The following MYO5B variants were observed in gnomAD, a reference collection of about 807,000 sequenced individuals.
MYO5B encodes the protein unconventional myosin-Vb.
MYO5B carries 143 observed loss-of-function variants against 229.3 expected under a neutral mutation model. The observed-to-expected ratio is 0.62, with a 90% CI of 0.54 to 0.72. The LOEUF (loss-of-function observed/expected upper bound fraction) is 0.72, where lower values mean the gene tolerates loss of function less well. Among genes scored for constraint, MYO5B ranks in the 30% least tolerant of loss-of-function variants. MYO5B has a pLI of 0.00. For synonymous variants in MYO5B, 918 were observed against 885.2 expected (o/e 1.04, Z -0.66); for missense variants, 2,321 against 2,331.0 (o/e 1.00, Z 0.09).
chr18:50,076,578 G>C (rs1204248321), intron 1 of MYO5B, among the ~76,000 whole-genome samples: 4 of 152,134 alleles, frequency 2.6e-5, no homozygotes, highest in Non-Finnish European at 4.4e-5. Flanking sequence ...ATAGCCTTGG[G>C]CTTGTCAAAT....
At chr18:49,909,168 G>A (rs1356814717) in intron 18 of MYO5B, among the ~76,000 whole-genome samples, 1 of 152,216 alleles carries the variant, frequency 6.6e-6, no homozygotes, top group East Asian at 1.9e-4. Flanking sequence ...TCAAGTCTTA[G>A]TTTCTCGATA....
chr18:49,918,864 G>A (rs1218419855), intron 17 of MYO5B, among the ~76,000 whole-genome samples: 2 of 152,228 alleles, frequency 1.3e-5, no homozygotes, highest in Non-Finnish European at 2.9e-5. Flanking sequence ...TCCCTTGGAA[G>A]TGTACTAGGG....
Position 49,823,684 on chromosome 18 carries a change from G to A in MYO5B, c.*2787C>T, listed in dbSNP as rs995421688. 11 of 152,166 alleles carry A rather than the reference G, an allele frequency of 7.2e-5. No homozygotes were observed. The highest frequency in any genetic ancestry group is 2.4e-4 in the African/African-American group (10 of 41,446). The allele number at this position is 152,166 out of a possible 1,614,324, so 9.4% of individuals were successfully genotyped here. On this transcript the variant is annotated 3_prime_UTR_variant, in exon 40 of 40. Coordinates refer to ENST00000285039, the MANE Select transcript of MYO5B (RefSeq NM_001080467.3). ...AAAGGGGAAAAACATCTACCTTTGG[G>A]TCTAATCTGCCTCCCAGGTGAGCCT...
At chr18:50,012,918 A>C (rs1309699435) in intron 4 of MYO5B, among the ~76,000 whole-genome samples, 1 of 152,266 alleles carries the variant, frequency 6.6e-6, no homozygotes, top group African/African-American at 2.4e-5. Flanking sequence ...TCTGCTTCAG[A>C]CTGAAGGCAT....
chr18:50,037,217 A>T (rs1196258340), intron 3 of MYO5B, among the ~76,000 whole-genome samples: 41 of 141,874 alleles, frequency 2.9e-4, no homozygotes, highest in Admixed American at 2.9e-3. Context: ...ACACACACAA[A>T]CACACACACA....
intron 1 of MYO5B, among the ~76,000 whole-genome samples, chr18:50,153,544 GGGTTCAAGC>G (rs1382963703): frequency 3.3e-5 from 5 of 152,116 alleles, no homozygotes; most frequent in Non-Finnish European, 7.3e-5. Context: ...TCCGCCTCCC[GGGTTCAAGC>G]GATTCTCCTG....
intron 1 of MYO5B, among the ~76,000 whole-genome samples, chr18:50,125,710 T>C (rs180728706): frequency 6.6e-6 from 1 of 152,298 alleles, no homozygotes; most frequent in East Asian, 1.9e-4. Flanking sequence ...GATAGCTGTA[T>C]ACCAAGTTCA....
At chr18:49,992,180 C>T in intron 6 of MYO5B, 108 bp downstream of exon 6, 1 of 1,458,170 alleles carries the variant, frequency 6.9e-7, no homozygotes, top group African/African-American at 1.4e-5. Context: ...CATTCAATTC[C>T]AGGCTCACAA....
At chr18:50,183,337 ATC>A (rs1491206391) in intron 1 of MYO5B, among the ~76,000 whole-genome samples, 35 of 139,838 alleles carry the variant, frequency 2.5e-4, no homozygotes, top group African/African-American at 4.7e-4. Context: ...ATATATATAT[ATC>A]TCCTTCAATA....
chr18:49,935,624 T>G (rs2025240862), intron 16 of MYO5B, among the ~76,000 whole-genome samples: 1 of 152,174 alleles, frequency 6.6e-6, no homozygotes, highest in Non-Finnish European at 1.5e-5. Context: ...CACAAACACT[T>G]GTCTGGAATT....
At chr18:50,067,747 G>C (rs993245364) in intron 1 of MYO5B, among the ~76,000 whole-genome samples, 4 of 152,098 alleles carry the variant, frequency 2.6e-5, no homozygotes, top group African/African-American at 9.7e-5. Flanking sequence ...AAGCAGCCTG[G>C]GGCCCTCTCT....
chr18:49,994,195 T>G (rs557056612), intron 5 of MYO5B, among the ~76,000 whole-genome samples: 1 of 152,264 alleles, frequency 6.6e-6, no homozygotes, highest in Admixed American at 6.5e-5. Context: ...TACATTTCCC[T>G]CTTCTTCCCC....
intron 1 of MYO5B, among the ~76,000 whole-genome samples, chr18:50,084,388 C>G (rs954088386): frequency 2.6e-5 from 4 of 152,110 alleles, no homozygotes; most frequent in African/African-American, 9.7e-5. Flanking sequence ...ATCTCTGGCA[C>G]AAAAATGGTT....
intron 1 of MYO5B, among the ~76,000 whole-genome samples, chr18:50,065,699 C>T (rs955473925): frequency 3.3e-5 from 5 of 152,156 alleles, no homozygotes; most frequent in Admixed American, 2.0e-4. Context: ...GGATCCCGGA[C>T]CACATGCGGC....
chr18:49,932,965 AAAGACATAG>A (rs2025210594), intron 16 of MYO5B, among the ~76,000 whole-genome samples: 1 of 152,214 alleles, frequency 6.6e-6, no homozygotes, highest in Admixed American at 6.5e-5. Flanking sequence ...AAAAATCACC[AAAGACATAG>A]AAGGTCACAG....
At chr18:49,929,335 T>C (rs1357807216) in intron 17 of MYO5B, among the ~76,000 whole-genome samples, 177 bp downstream of exon 17, 1 of 152,174 alleles carries the variant, frequency 6.6e-6, no homozygotes, top group African/African-American at 2.4e-5. Flanking sequence ...ACCTTCCCAA[T>C]TTTTCAGGCT....
chr18:49,936,405 A>G lies in MYO5B; in HGVS notation c.1906-56T>C, dbSNP rs3744846. ...TTTTAACAAGTCGTGGATGTGTGAT[A>G]AAGAAAAACTCATATATGGGTGGCG... On this transcript the variant is annotated intron_variant, in intron 15 of 39. Transcript: ENST00000285039. 5.3e-3 allele frequency: 6,607 copies of G among 1,253,006 alleles called. 177 individuals are homozygous for G. The East Asian group carries it at 0.063, about 12-fold the overall frequency. The allele number at this position is 1,253,006 out of a possible 1,614,324, so 77.6% of individuals were successfully genotyped here. A position where few individuals can be genotyped will look rare whatever the true frequency, so the allele number is the denominator to read the frequency against.
intron 9 of MYO5B, among the ~76,000 whole-genome samples, chr18:49,978,746 A>AC (rs2025782127): frequency 9.8e-5 from 12 of 122,378 alleles, no homozygotes; most frequent in Admixed American, 6.6e-4. Context: ...CACACACACA[A>AC]AATGCTCAGC....
chr18:50,178,640 T>C (rs926731228), intron 1 of MYO5B, among the ~76,000 whole-genome samples: 18 of 152,254 alleles, frequency 1.2e-4, no homozygotes, highest in Admixed American at 1.2e-3. Flanking sequence ...TGCCTCACTT[T>C]AGATACAGGC....
Sources: gnomAD v4.1 joint callset for allele counts (sites outside exome capture counted in the v4.1 genomes callset) on GRCh38, gnomAD v4.1.1 for gene constraint, MANE v1.5 for transcripts, NCBI Gene and HGNC (gene_info 2026-07-23, HGNC 2026-07-21) for gene names.